TMEM131L: variants seen among roughly 807,000 people sequenced by gnomAD.
TMEM131L encodes transmembrane protein 131-like.
A neutral mutation model predicts 192.2 loss-of-function variants in TMEM131L; 54 were observed. That is an observed-to-expected ratio of 0.28 (90% CI 0.23 to 0.35). TMEM131L has a LOEUF of 0.35. Among genes scored for constraint, TMEM131L ranks in the 10% least tolerant of loss-of-function variants. The pLI is 1.00. For synonymous variants in TMEM131L, 701 were observed against 704.9 expected, an observed-to-expected ratio of 0.99 and a Z score of 0.09; for missense variants, 1,888 against 1,972.9, an observed-to-expected ratio of 0.96 and a Z score of 0.82.
intron 4 of TMEM131L, among the ~76,000 whole-genome samples, chr4:153,552,092 C>T (rs1254581615): frequency 6.6e-6 from 1 of 151,910 alleles, no homozygotes; most frequent in Non-Finnish European, 1.5e-5. Context: ...CATCTGTAAT[C>T]CCAGTTACTT....
At position 153,587,741 on chromosome 4, in the gene TMEM131L, G is replaced by A; in HGVS notation, c.1483-1G>A. Reference sequence around the variant, plus strand: ...TATTCATATATTACTTTTCAATCTAGGAAGGGAGTCTGGGTTTTGAAGTGA... The same window carrying A: ...TATTCATATATTACTTTTCAATCTAAGAAGGGAGTCTGGGTTTTGAAGTGA... On this transcript the variant is annotated splice_acceptor_variant, in intron 14 of 34. Transcript: ENST00000409959. LOFTEE classifies it high-confidence loss of function. The A allele has an allele frequency of 6.2e-7, 1 of 1,603,014 alleles. No homozygotes were observed. Among genetic ancestry groups the A allele is most frequent in the Non-Finnish European group, 8.5e-7 (1 of 1,169,968 alleles).
intron 19 of TMEM131L, among the ~76,000 whole-genome samples, chr4:153,595,177 T>C (rs1203956285): frequency 6.6e-6 from 1 of 152,168 alleles, no homozygotes; most frequent in Non-Finnish European, 1.5e-5. Flanking sequence ...AACTCAGAAT[T>C]GTTATTAGAA....
At chr4:153,586,499 C>T (rs1221670954) in intron 14 of TMEM131L, 120 bp downstream of exon 14, 2 of 655,068 alleles carry the variant, frequency 3.1e-6, no homozygotes, top group Non-Finnish European at 4.9e-6. Context: ...GGCTAAGAAA[C>T]TGAAGGATAT....
chr4:153,518,144 G>A (rs543971170), intron 3 of TMEM131L, among the ~76,000 whole-genome samples: 84 of 152,304 alleles, frequency 5.5e-4, no homozygotes, highest in African/African-American at 1.9e-3. Context: ...ATTCCAGCCA[G>A]GTTCCTGTTT....
intron 2 of TMEM131L, among the ~76,000 whole-genome samples, chr4:153,473,414 C>G (rs552156952): frequency 6.6e-6 from 1 of 152,256 alleles, no homozygotes; most frequent in African/African-American, 2.4e-5. Flanking sequence ...GAAGAAAGGA[C>G]AGGTAGGAAC....
chr4:153,467,821 G>T (rs1730870220), intron 2 of TMEM131L, among the ~76,000 whole-genome samples: 1 of 152,108 alleles, frequency 6.6e-6, no homozygotes, highest in African/African-American at 2.4e-5. Context: ...ATGATATGAT[G>T]ATTGCGTGTA....
intron 25 of TMEM131L, among the ~76,000 whole-genome samples, chr4:153,607,395 T>A (rs1390351168): frequency 2.0e-5 from 3 of 152,224 alleles, no homozygotes; most frequent in African/African-American, 7.2e-5. Flanking sequence ...TTCTAGAATC[T>A]GAAGAAAACA....
chr4:153,555,737 T>A lies in TMEM131L; in HGVS notation c.309-50T>A. The stretch of plus-strand genomic sequence containing the variant: ...AATAATACATATATATGTATGGTAA[T>A]ATTTATAACCACACAATACATTGAT... On this transcript the variant is annotated intron_variant, in intron 4 of 34. Transcript: ENST00000409959. This position sits in a 1 kb window ranked among gnomAD's most constrained non-coding sequence, Gnocchi z 4.1. 6.7e-7 allele frequency: 1 copy of A among 1,493,958 alleles called. No individual in the cohort carries two copies. Among genetic ancestry groups the A allele is most frequent in the Non-Finnish European group, 9.1e-7 (1 of 1,100,480 alleles). 92.5% of individuals were successfully genotyped at this position (1,493,958 alleles called of 1,614,324 possible).
intron 3 of TMEM131L, among the ~76,000 whole-genome samples, chr4:153,534,164 G>A (rs530756741): frequency 1.3e-5 from 2 of 152,288 alleles, no homozygotes; most frequent in South Asian, 2.1e-4. Flanking sequence ...AAATGTTACC[G>A]AGTGAGTGTT....
intron 3 of TMEM131L, among the ~76,000 whole-genome samples, chr4:153,536,562 T>C (rs1580161846): frequency 6.6e-6 from 1 of 152,254 alleles, no homozygotes; most frequent in African/African-American, 2.4e-5. Context: ...TGAAACACTT[T>C]GCTGGGTGCT....
At chr4:153,508,189 G>A in intron 3 of TMEM131L, among the ~76,000 whole-genome samples, 1 of 152,184 alleles carries the variant, frequency 6.6e-6, no homozygotes, top group East Asian at 1.9e-4. Context: ...ATAGGAATGG[G>A]TATTGGATAT....
At chr4:153,515,693 A>G (rs896548376) in intron 3 of TMEM131L, among the ~76,000 whole-genome samples, 16 of 152,220 alleles carry the variant, frequency 1.1e-4, no homozygotes, top group African/African-American at 3.9e-4. Flanking sequence ...TACTTTTCAT[A>G]CATGACTTTT....
intron 2 of TMEM131L, among the ~76,000 whole-genome samples, chr4:153,468,821 C>G (rs1028728521): frequency 6.6e-6 from 1 of 152,098 alleles, no homozygotes; most frequent in Non-Finnish European, 1.5e-5. Context: ...CAAAACTGCC[C>G]TGGTTGAGAA....
In TMEM131L at chr4:153,593,795, A is replaced by T. The variant is rs200034572; in HGVS notation, c.1923-4A>T. ...GTTTTAAACATTTGCTTTTTTCCTT[A>T]TAGGTTTGGCACTGATATGCAGATG... On this transcript the variant is annotated splice_region_variant and splice_polypyrimidine_tract_variant and intron_variant, in intron 18 of 34. Transcript: ENST00000409959. The T allele has an allele frequency of 7.3e-5, 118 of 1,607,014 alleles. No individual in the cohort carries two copies. Among genetic ancestry groups the T allele is most frequent in the Admixed American group, 5.5e-4 (33 of 59,972 alleles).
chr4:153,513,748 T>G (rs1272360864), intron 3 of TMEM131L, among the ~76,000 whole-genome samples: 2 of 152,300 alleles, frequency 1.3e-5, no homozygotes, highest in African/African-American at 4.8e-5. Context: ...TGTCAAAACA[T>G]TAAAAGATGG....
intron 7 of TMEM131L, among the ~76,000 whole-genome samples, chr4:153,570,562 G>C (rs10026978): frequency 0.1 from 15,245 of 152,180 alleles, 2,325 homozygotes; most frequent in African/African-American, 0.32. Context: ...GGCGGTAGCC[G>C]ACATACTCGG....
rs542232506 is a variant in TMEM131L at position 153,589,036 on chromosome 4, C to A, written c.1670+29C>A. On this transcript the variant is annotated intron_variant, in intron 16 of 34. Coordinates refer to ENST00000409959, the MANE Select transcript of TMEM131L (RefSeq NM_001131007.2). ...CGTCTCCACTGTCTTCTTTTTTGTTCGGTGGTGGGGAGACACTGTTACAGT... is the reference window on the plus strand; with the variant it reads ...CGTCTCCACTGTCTTCTTTTTTGTTAGGTGGTGGGGAGACACTGTTACAGT... 2.2e-5 allele frequency: 27 copies of A among 1,212,992 alleles called. 1 individual carries two copies. In the South Asian group the frequency reaches 2.5e-4, roughly 11 times the overall value. The allele number at this position is 1,212,992 out of a possible 1,614,324, so 75.1% of individuals were successfully genotyped here.
At chr4:153,619,430 T>G (rs1312816759) in intron 26 of TMEM131L, among the ~76,000 whole-genome samples, 2 of 152,238 alleles carry the variant, frequency 1.3e-5, no homozygotes, top group Admixed American at 1.3e-4. Context: ...TAGCATAAGG[T>G]CCTGTACAAT....
chr4:153,559,316 A>C (rs1282710100), intron 7 of TMEM131L, among the ~76,000 whole-genome samples: 1 of 152,232 alleles, frequency 6.6e-6, no homozygotes, highest in Non-Finnish European at 1.5e-5. Flanking sequence ...CCCTCCTTGC[A>C]GAATTTTAAG....
Sources: gnomAD v4.1 joint callset for allele counts (sites outside exome capture counted in the v4.1 genomes callset) on GRCh38, gnomAD v4.1.1 for gene constraint, Gnocchi (gnomAD v3.1) non-coding constraint, MANE v1.5 for transcripts, NCBI Gene and HGNC (gene_info 2026-07-23, HGNC 2026-07-21) for gene names.